Variants in CSDC2 observed in about 807,000 individuals in gnomAD.
The protein encoded by CSDC2 is cold shock domain-containing protein C2.
Under a neutral mutation model 15.8 loss-of-function variants are expected in CSDC2, and 8 were observed. The ratio of observed to expected loss-of-function variants is 0.51; its 90% CI spans 0.30 to 0.92. The LOEUF is 0.92. Ranked by LOEUF, CSDC2 falls within the 40% of genes least tolerant of loss-of-function variation. CSDC2 has a pLI of 0.07. For synonymous variants in CSDC2, 96 were observed against 92.3 expected (o/e 1.04, Z -0.23); for missense variants, 195 against 213.3 (o/e 0.91, Z 0.53).
In CSDC2 at chr22:41,571,849, C is replaced by A; in HGVS notation, c.-117C>A. On this transcript the variant is annotated 5_prime_UTR_variant, in exon 2 of 4. Coordinates refer to ENST00000306149, the MANE Select transcript of CSDC2 (RefSeq NM_014460.4). ...CTCTTTCTTCCTCTTCCAGACGGAG[C>A]CCGTGGCTGGTGAGGCCGCAGAGCA... 1 of 574,590 alleles carries A rather than the reference C, an allele frequency of 1.7e-6. No individual in the cohort carries two copies. The highest frequency in any genetic ancestry group is 2.7e-6 in the Non-Finnish European group (1 of 368,894). The allele number at this position is 574,590 out of a possible 1,614,324, so 35.6% of individuals were successfully genotyped here. A position where few individuals can be genotyped will look rare whatever the true frequency, so the allele number is the denominator to read the frequency against.
chr22:41,562,682 A>G (rs1248129673), intron 1 of CSDC2, among the ~76,000 whole-genome samples: 1 of 152,140 alleles, frequency 6.6e-6, no homozygotes, highest in Non-Finnish European at 1.5e-5. Context: ...CACGGTCACA[A>G]CTGGGGCAGC....
chr22:41,574,738 A>AG lies in CSDC2; in HGVS notation c.310dup (p.Glu104GlyfsTer53), dbSNP rs1415789072. On this transcript the variant is annotated frameshift_variant, in exon 4 of 4. Transcript: ENST00000306149. LOFTEE classifies it high-confidence loss of function. Reference sequence around the variant, plus strand: ...CCCCTCTTCCTGCCCGCCAGCATCGAGGGGGAGTACGTGCCAGTGGAGGGC... The same window carrying AG: ...CCCCTCTTCCTGCCCGCCAGCATCGAGGGGGGAGTACGTGCCAGTGGAGGGC... The AG allele has an allele frequency of 6.2e-7, 1 of 1,613,588 alleles. No individual in the cohort carries two copies. The highest frequency in any genetic ancestry group is 8.5e-7 in the Non-Finnish European group (1 of 1,179,980).
At chr22:41,572,230 C>T in intron 2 of CSDC2, 89 bp downstream of exon 2, 1 of 1,122,188 alleles carries the variant, frequency 8.9e-7, no homozygotes, top group African/African-American at 1.6e-5. Flanking sequence ...GTTGTCCTCA[C>T]CTGGGACAGG....
chr22:41,572,869 G>A (rs1191892835), intron 2 of CSDC2, among the ~76,000 whole-genome samples: 2 of 152,138 alleles, frequency 1.3e-5, no homozygotes, highest in Non-Finnish European at 1.5e-5. Flanking sequence ...GGTCCATATG[G>A]GGGAGGCCAA....
chr22:41,575,010 T>C lies in CSDC2; in HGVS notation c.*115T>C. 1 of 1,186,694 alleles carries C rather than the reference T, an allele frequency of 8.4e-7. No homozygotes were observed. The highest frequency in any genetic ancestry group is 1.2e-6 in the Non-Finnish European group (1 of 853,606). The allele number at this position is 1,186,694 out of a possible 1,614,324, so 73.5% of individuals were successfully genotyped here. ...CTGATGAGTCCTTCGGTGGCCTCAG[T>C]GTGCACGTCTGTCTGTCCGTCTGTG... On this transcript the variant is annotated 3_prime_UTR_variant, in exon 4 of 4. Transcript: ENST00000306149.
intron 3 of CSDC2, 140 bp downstream of exon 3, chr22:41,573,917 G>A: frequency 8.6e-7 from 1 of 1,165,728 alleles, no homozygotes; most frequent in African/African-American, 1.6e-5. Context: ...AGTAGGGGCT[G>A]AGGGTGCGTT....
rs1192119582 is a variant in CSDC2 at position 41,574,857 on chromosome 22, C to A, written c.424C>A (p.Pro142Thr). 2 of 1,609,290 alleles carry A rather than the reference C, an allele frequency of 1.2e-6. No homozygotes were observed. Among genetic ancestry groups the A allele is most frequent in the Admixed American group, 1.7e-5 (1 of 59,330 alleles). Residue 142 changes from proline to threonine, a missense_variant, in exon 4 of 4, where the codon CCC (proline) becomes ACC (threonine). Coordinates refer to ENST00000306149, the MANE Select transcript of CSDC2 (RefSeq NM_014460.4). ...GCTCACTCAGCTGGCCCCCCACACTCCCCACGAGACGTGGTCTGGCCAGGT... is the reference window on the plus strand; with the variant it reads ...GCTCACTCAGCTGGCCCCCCACACTACCCACGAGACGTGGTCTGGCCAGGT... ...VVLTQLAPHT[P>T]HETWSGQVVG... is the part of the protein sequence containing the mutation.
At chr22:41,570,338 C>A (rs1434253023) in intron 1 of CSDC2, among the ~76,000 whole-genome samples, 6 of 152,154 alleles carry the variant, frequency 3.9e-5, no homozygotes, top group Non-Finnish European at 4.4e-5. Flanking sequence ...AGAGCCAGCT[C>A]AGCATCTTGG....
intron 3 of CSDC2, 132 bp downstream of exon 3, chr22:41,573,909 T>C: frequency 1.6e-6 from 2 of 1,214,412 alleles, no homozygotes; most frequent in South Asian, 1.6e-5. Flanking sequence ...GTCCTCTGAG[T>C]AGGGGCTGAG....
Position 41,575,069 on chromosome 22 carries a change from C to A in CSDC2, c.*174C>A. ...TATGAGCGTGTGCCTCCACCCACCC[C>A]ACGACCCGTGACTACTGTGCAAGCT... On this transcript the variant is annotated 3_prime_UTR_variant, in exon 4 of 4. Transcript: ENST00000306149. The A allele has an allele frequency of 1.2e-6, 1 of 803,710 alleles. No individual in the cohort carries two copies. Among genetic ancestry groups the A allele is most frequent in the Non-Finnish European group, 1.9e-6 (1 of 520,344 alleles). The allele number at this position is 803,710 out of a possible 1,614,324, so 49.8% of individuals were successfully genotyped here. A position where few individuals can be genotyped will look rare whatever the true frequency, so the allele number is the denominator to read the frequency against.
chr22:41,569,678 T>A (rs2067135042), intron 1 of CSDC2, among the ~76,000 whole-genome samples: 2 of 152,158 alleles, frequency 1.3e-5, no homozygotes, highest in Non-Finnish European at 2.9e-5. Context: ...TATCCATTCA[T>A]CTGCTGATGG....
intron 2 of CSDC2, 59 bp from the exon 3 acceptor site, chr22:41,573,596 T>C (rs2067158826): frequency 6.4e-7 from 1 of 1,565,038 alleles, no homozygotes; most frequent in African/African-American, 1.4e-5. Flanking sequence ...AGAATGGCTG[T>C]AGGGATCCGG....
chr22:41,561,057 C>CACACAT lies in CSDC2; in HGVS notation c.-245_-244insTACACA, dbSNP rs1166064823. 8.3e-6 allele frequency: 1 copy of CACACAT among 119,916 alleles called. No individual in the cohort carries two copies. The highest frequency in any genetic ancestry group is 3.1e-5 in the African/African-American group (1 of 32,570). 7.4% of individuals were successfully genotyped at this position (119,916 alleles called of 1,614,324 possible). On this transcript the variant is annotated 5_prime_UTR_variant, in exon 1 of 4. Transcript: ENST00000306149. ...GCGAGCACACACAGACACACACACA[C>CACACAT]ACACACACACACACACACACACACA...
chr22:41,562,406 C>CAAA (rs10642302), intron 1 of CSDC2, among the ~76,000 whole-genome samples: 2 of 132,014 alleles, frequency 1.5e-5, no homozygotes, highest in Admixed American at 8.3e-5. Flanking sequence ...TCACCCCCTT[C>CAAA]AAAAAAAAAA....
rs1266651506 is a variant in CSDC2, at chr22:41,575,796, G to C, written c.*901G>C. The C allele has an allele frequency of 6.6e-6, 1 of 152,274 alleles. No homozygotes were observed. Among genetic ancestry groups the C allele is most frequent in the Non-Finnish European group, 1.5e-5 (1 of 68,088 alleles). 9.4% of individuals were successfully genotyped at this position (152,274 alleles called of 1,614,324 possible). On this transcript the variant is annotated 3_prime_UTR_variant, in exon 4 of 4. Transcript: ENST00000306149. The stretch of plus-strand genomic sequence containing the variant: ...GGGGCACCCACGAGGAGGGCCCCCA[G>C]CCTGGGAGACTGGCCCTGCGGCCTC...
rs10642302 is a variant in CSDC2, at chr22:41,562,406, C to CAAAAAAAAAA, written c.-124+1229_-124+1238dup. 2.3e-4 allele frequency among the ~76,000 whole-genome samples: 30 copies of CAAAAAAAAAA among 131,988 alleles called. 2 individuals are homozygous for CAAAAAAAAAA. The highest frequency in any genetic ancestry group is 4.0e-4 in the African/African-American group (14 of 35,180). The allele number at this position is 131,988 out of a possible 152,430, so 86.6% of individuals were successfully genotyped here. On this transcript the variant is annotated intron_variant, in intron 1 of 3. Coordinates refer to ENST00000306149, the MANE Select transcript of CSDC2 (RefSeq NM_014460.4). ...CATCTTGACCCATCCTCACCCCCTT[C>CAAAAAAAAAA]AAAAAAAAAAAAAAAGACAGGTATA...
intron 2 of CSDC2, 74 bp from the exon 3 acceptor site, chr22:41,573,581 G>C: frequency 4.6e-6 from 7 of 1,527,762 alleles, no homozygotes; most frequent in Admixed American, 1.9e-5. Flanking sequence ...CAGCAGAAAG[G>C]GCCCAGAATG....
chr22:41,565,916 G>A (rs1047019540), intron 1 of CSDC2, among the ~76,000 whole-genome samples: 8 of 152,150 alleles, frequency 5.3e-5, no homozygotes, highest in Non-Finnish European at 7.3e-5. Flanking sequence ...CACACTCGCC[G>A]GGGGGCCTTT....
intron 3 of CSDC2, 118 bp from the exon 4 acceptor site, chr22:41,574,615 T>C (rs1224551801): frequency 8.1e-7 from 1 of 1,228,814 alleles, no homozygotes; most frequent in East Asian, 2.5e-5. Flanking sequence ...AAGCAAGGCC[T>C]GGCCAGGCCT....
Sources: gnomAD v4.1 joint callset for allele counts (sites outside exome capture counted in the v4.1 genomes callset) on GRCh38, gnomAD v4.1.1 for gene constraint, MANE v1.5 for transcripts, NCBI Gene and HGNC (gene_info 2026-07-23, HGNC 2026-07-21) for gene names.